ACVR1: variants seen among roughly 807,000 people sequenced by gnomAD.
ACVR1 encodes the protein activin A receptor type 1, also known as activin receptor type-1.
A neutral mutation model predicts 57.1 loss-of-function variants in ACVR1; 38 were observed. The observed-to-expected ratio is 0.67, with a 90% CI of 0.51 to 0.87. The LOEUF is 0.87. ACVR1 is among the 40% of genes least tolerant of loss of function. The pLI, the probability that ACVR1 is intolerant of heterozygous loss-of-function variation, is 0.00. For synonymous variants in ACVR1, 212 were observed against 228.1 expected (o/e 0.93, Z 0.63); for missense variants, 463 against 638.2 (o/e 0.73, Z 2.96).
At chr2:157,770,835 A>G (rs1258341843) in intron 6 of ACVR1, among the ~76,000 whole-genome samples, 2 of 152,218 alleles carry the variant, frequency 1.3e-5, no homozygotes, top group Non-Finnish European at 2.9e-5. Flanking sequence ...TATAAAATGC[A>G]TATGACTTTT....
intron 2 of ACVR1, among the ~76,000 whole-genome samples, chr2:157,814,700 C>T (rs539861070): frequency 5.9e-4 from 90 of 152,190 alleles, no homozygotes; most frequent in African/African-American, 2.0e-3. Context: ...GCTTTGTTCA[C>T]GATAATAAAA....
intron 2 of ACVR1, among the ~76,000 whole-genome samples, chr2:157,805,395 C>A (rs971394088): frequency 7.2e-5 from 11 of 152,198 alleles, no homozygotes; most frequent in Non-Finnish European, 1.2e-4. Flanking sequence ...CAATCACCCA[C>A]CCCTATTTTG....
chr2:157,864,198 G>C (rs1326605414), intron 1 of ACVR1, among the ~76,000 whole-genome samples: 1 of 151,662 alleles, frequency 6.6e-6, no homozygotes, highest in Non-Finnish European at 1.5e-5. Flanking sequence ...ATGCAGTATG[G>C]GAAATAAAGA....
intron 5 of ACVR1, among the ~76,000 whole-genome samples, chr2:157,776,033 T>G (rs943515603): frequency 6.6e-6 from 1 of 152,246 alleles, no homozygotes; most frequent in Non-Finnish European, 1.5e-5. Flanking sequence ...AAGGCTTGTT[T>G]TTCAATGTAG....
chr2:157,788,504 C>T (rs967481627), intron 3 of ACVR1, among the ~76,000 whole-genome samples: 7 of 152,142 alleles, frequency 4.6e-5, no homozygotes, highest in Non-Finnish European at 8.8e-5. Flanking sequence ...ATTGCAGGTG[C>T]GTTCAAGGAA....
intron 1 of ACVR1, among the ~76,000 whole-genome samples, chr2:157,847,098 A>G (rs1044383103): frequency 6.6e-6 from 1 of 152,250 alleles, no homozygotes; most frequent in Non-Finnish European, 1.5e-5. Flanking sequence ...TCAACAGTTT[A>G]GAATGATGTT....
intron 1 of ACVR1, among the ~76,000 whole-genome samples, chr2:157,838,704 G>A (rs1269922145): frequency 2.6e-5 from 4 of 152,138 alleles, no homozygotes; most frequent in African/African-American, 9.7e-5. Flanking sequence ...CAGATTCCGA[G>A]GAGGGTCAAG....
rs375101352 is a variant in ACVR1, at chr2:157,738,525, T to C, written c.1310A>G (p.Asn437Ser). The change falls in exon 10 of 11, where the codon AAT becomes AGT. Residue 437 changes from asparagine (N) to serine (S), a missense_variant. This residue lies in a region of ACVR1 where 146 missense variants were observed against 186.6 expected (regional missense o/e 0.78). Transcript: ENST00000434821. Reference sequence around the variant, plus strand: ...CCTCATATCTTCAAAACTTGGGTCATTGGGAACCACATCGTAGAACGGTGG... The same window carrying C: ...CCTCATATCTTCAAAACTTGGGTCACTGGGAACCACATCGTAGAACGGTGG... Reference protein sequence around the residue: ...YKPPFYDVVPNDPSFEDMRKV... With the variant: ...YKPPFYDVVPSDPSFEDMRKV... 1.4e-5 allele frequency: 23 copies of C among 1,614,026 alleles called. No homozygotes were observed. The highest frequency in any genetic ancestry group is 1.2e-4 in the African/African-American group (9 of 74,942).
At chr2:157,748,795 T>C (rs1685068845) in intron 9 of ACVR1, among the ~76,000 whole-genome samples, 1 of 152,174 alleles carries the variant, frequency 6.6e-6, no homozygotes, top group South Asian at 2.1e-4. Context: ...TATTGTACAC[T>C]AAAACTATAT....
intron 9 of ACVR1, among the ~76,000 whole-genome samples, chr2:157,744,111 G>C (rs1684875403): frequency 6.6e-6 from 1 of 152,156 alleles, no homozygotes; most frequent in Non-Finnish European, 1.5e-5. Flanking sequence ...TGCATCTCAT[G>C]CCACAGTGTG....
chr2:157,763,810 T>C (rs1685754338), intron 8 of ACVR1, among the ~76,000 whole-genome samples: 2 of 152,252 alleles, frequency 1.3e-5, no homozygotes, highest in Admixed American at 6.5e-5. Context: ...GTAAGTTATA[T>C]ACAAATTATG....
intron 1 of ACVR1, among the ~76,000 whole-genome samples, chr2:157,862,230 G>A (rs1689746648): frequency 1.3e-5 from 2 of 151,948 alleles, no homozygotes; most frequent in African/African-American, 4.8e-5. Flanking sequence ...TATGTTTCAT[G>A]TTTATGTTTA....
intron 7 of ACVR1, among the ~76,000 whole-genome samples, chr2:157,767,783 T>C (rs1685921280): frequency 6.6e-6 from 1 of 152,200 alleles, no homozygotes; most frequent in Non-Finnish European, 1.5e-5. Flanking sequence ...TTTAAGTTGC[T>C]ATCAACTCTG....
At chr2:157,858,025 C>T (rs947582544) in intron 1 of ACVR1, among the ~76,000 whole-genome samples, 12 of 151,602 alleles carry the variant, frequency 7.9e-5, no homozygotes, top group African/African-American at 2.7e-4. Context: ...CAGGCTTTTT[C>T]GTCAGTAAAA....
chr2:157,798,424 A>AT, intron 3 of ACVR1, among the ~76,000 whole-genome samples: 1 of 151,170 alleles, frequency 6.6e-6, no homozygotes, highest in South Asian at 2.1e-4. Context: ...GATGTTGAAG[A>AT]TTATTACCTA....
At chr2:157,799,790 A>G (rs984576392) in intron 2 of ACVR1, among the ~76,000 whole-genome samples, 1 of 152,220 alleles carries the variant, frequency 6.6e-6, no homozygotes, top group Admixed American at 6.5e-5. Context: ...TTTCAGCTAC[A>G]AAGTGAGGCA....
intron 1 of ACVR1, among the ~76,000 whole-genome samples, chr2:157,823,667 C>T (rs986886011): frequency 6.6e-6 from 1 of 151,868 alleles, no homozygotes; most frequent in East Asian, 1.9e-4. Context: ...AAAAGGGGCC[C>T]GCTATGGTTT....
intron 1 of ACVR1, among the ~76,000 whole-genome samples, chr2:157,819,884 T>C (rs1261927948): frequency 3.9e-5 from 6 of 152,192 alleles, no homozygotes; most frequent in Non-Finnish European, 8.8e-5. Context: ...AATAGTTAAG[T>C]AACACAAAAC....
intron 2 of ACVR1, among the ~76,000 whole-genome samples, chr2:157,815,232 A>G (rs960366632): frequency 4.6e-5 from 7 of 152,214 alleles, no homozygotes; most frequent in African/African-American, 1.7e-4. Flanking sequence ...TGTATATTAT[A>G]TGCATGTATA....
Sources: allele counts gnomAD v4.1 joint callset (sites outside exome capture counted in the v4.1 genomes callset), GRCh38; gene constraint gnomAD v4.1.1; regional missense constraint gnomAD v4.1.1; transcripts MANE v1.5; gene names NCBI Gene and HGNC (gene_info 2026-07-23, HGNC 2026-07-21).